PRIM2: variants seen among roughly 807,000 people sequenced by gnomAD.
PRIM2 encodes the protein DNA primase large subunit.
Under a neutral mutation model 67.3 loss-of-function variants are expected in PRIM2, and 39 were observed. The observed-to-expected ratio is 0.58, with a 90% CI of 0.45 to 0.76. PRIM2 has a LOEUF of 0.76. Ranked by LOEUF, PRIM2 falls within the 30% of genes least tolerant of loss-of-function variation. The probability of loss-of-function intolerance (pLI) is 0.00; values close to 1 mark genes in which losing one functional copy is unlikely to be tolerated. For synonymous variants in PRIM2, 143 were observed against 198.7 expected, an observed-to-expected ratio of 0.72 and a Z score of 2.36; for missense variants, 398 against 598.7, an observed-to-expected ratio of 0.66 and a Z score of 3.50.
chr6:57,271,337 T>G, the PRIM2 span, among the ~76,000 whole-genome samples: 4 of 152,360 alleles, frequency 2.6e-5, no homozygotes, highest in South Asian at 8.3e-4. Context: ...AGATTCAACT[T>G]CTTCCTGGTT....
At chr6:57,395,453 G>T (rs374396087) in intron 7 of PRIM2, among the ~76,000 whole-genome samples, 2 of 152,100 alleles carry the variant, frequency 1.3e-5, no homozygotes, top group East Asian at 3.9e-4. Context: ...GTGCATAAAG[G>T]TGTTCATAGT....
chr6:57,609,785 C>T (rs1776631581), intron 12 of PRIM2, among the ~76,000 whole-genome samples: 1 of 152,084 alleles, frequency 6.6e-6, no homozygotes, highest in South Asian at 2.1e-4. Flanking sequence ...TATTTGATGT[C>T]TTTATTGAGT....
At chr6:57,453,898 A>G (rs1299582023) in intron 7 of PRIM2, among the ~76,000 whole-genome samples, 1 of 152,078 alleles carries the variant, frequency 6.6e-6, no homozygotes, top group African/African-American at 2.4e-5. Flanking sequence ...GTTTTTGCCC[A>G]TTCAGTATGA....
intron 10 of PRIM2, among the ~76,000 whole-genome samples, chr6:57,560,702 G>A (rs1302249692): frequency 1.3e-5 from 2 of 151,652 alleles, no homozygotes; most frequent in African/African-American, 2.4e-5. Flanking sequence ...CTCCATCAAA[G>A]CACTTGGGTG....
At chr6:57,276,312 C>G in the PRIM2 span, among the ~76,000 whole-genome samples, 2 of 151,986 alleles carry the variant, frequency 1.3e-5, no homozygotes, top group East Asian at 3.9e-4. Flanking sequence ...ATTGTGTGAA[C>G]CCGGGATGCA....
At chr6:57,477,382 C>A (rs1296723750) in intron 7 of PRIM2, among the ~76,000 whole-genome samples, 35 of 152,136 alleles carry the variant, frequency 2.3e-4, no homozygotes, top group Admixed American at 3.3e-4. Context: ...CAGTTTGGGG[C>A]GTATGTATTC....
At chr6:57,548,417 A>T (rs1230323469) in intron 10 of PRIM2, among the ~76,000 whole-genome samples, 2 of 152,216 alleles carry the variant, frequency 1.3e-5, no homozygotes, top group African/African-American at 4.8e-5. Flanking sequence ...GACTGTGCCA[A>T]GCAAGGTTTT....
chr6:57,371,697 A>G (rs2127324388), intron 5 of PRIM2, among the ~76,000 whole-genome samples: 1 of 152,352 alleles, frequency 6.6e-6, no homozygotes, highest in South Asian at 2.1e-4. Context: ...TTTAGGTTGG[A>G]TGCTTACTTA....
Position 57,415,891 on chromosome 6 carries a change from G to A in PRIM2, c.693+33723G>A, listed in dbSNP as rs548436435. Among the ~76,000 whole-genome samples, 93 of 152,126 alleles carry A rather than the reference G, an allele frequency of 6.1e-4. 1 individual carries two copies. Among genetic ancestry groups the A allele is most frequent in the African/African-American group, 2.1e-3 (89 of 41,498 alleles). On this transcript the variant is annotated intron_variant, in intron 7 of 13. Transcript: ENST00000615550. ...CATCTTCAGGCTCCACTTCTAATTC[G>A]AGTTCTCTTGTGATTTCCACCACAT...
chr6:57,337,859 G>A (rs939957021), intron 5 of PRIM2, among the ~76,000 whole-genome samples: 4 of 152,074 alleles, frequency 2.6e-5, no homozygotes, highest in Non-Finnish European at 5.9e-5. Flanking sequence ...ACTAACATCA[G>A]AGCAGAACTG....
intron 5 of PRIM2, among the ~76,000 whole-genome samples, chr6:57,330,432 G>A (rs1448648944): frequency 2.8e-5 from 4 of 141,012 alleles, no homozygotes; most frequent in African/African-American, 1.1e-4. Context: ...AGGCTGGAGT[G>A]CAAGCTCCAC....
intron 7 of PRIM2, among the ~76,000 whole-genome samples, chr6:57,393,286 T>C (rs1031142303): frequency 6.6e-6 from 1 of 152,182 alleles, no homozygotes; most frequent in African/African-American, 2.4e-5. Context: ...AGTGTAGAAA[T>C]GTTCCCTGTT....
At chr6:57,318,203 G>T (rs564875878) in intron 1 of PRIM2, among the ~76,000 whole-genome samples, 104 of 152,244 alleles carry the variant, frequency 6.8e-4, no homozygotes, top group African/African-American at 2.5e-3. Context: ...ATCACCACCT[G>T]CATCTGCTCT....
chr6:57,610,370 G>T (rs1387579344), intron 12 of PRIM2, among the ~76,000 whole-genome samples: 1 of 152,144 alleles, frequency 6.6e-6, no homozygotes, highest in African/African-American at 2.4e-5. Context: ...GCCTGGCCAA[G>T]AAATAGATAT....
In PRIM2 at chr6:57,500,778, A is replaced by G. The variant is rs1440151140; in HGVS notation, c.694-6609A>G. On this transcript the variant is annotated intron_variant, in intron 7 of 13. Coordinates refer to ENST00000615550, the MANE Select transcript of PRIM2 (RefSeq NM_000947.5). The stretch of plus-strand genomic sequence containing the variant: ...AATAAAGAATGCCAGTTAATCTGTA[A>G]CAAAGGTCAGTGATTGGAAGCAGGG... 4.3e-3 allele frequency among the ~76,000 whole-genome samples: 660 copies of G among 152,360 alleles called. 5 individuals carry two copies. Among genetic ancestry groups the G allele is most frequent in the African/African-American group, 0.015 (635 of 41,588 alleles).
chr6:57,426,223 G>T (rs1221651860), intron 7 of PRIM2, among the ~76,000 whole-genome samples: 3 of 152,158 alleles, frequency 2.0e-5, no homozygotes, highest in South Asian at 2.1e-4. Flanking sequence ...ATATAACCTT[G>T]TGCTTTTTGT....
intron 5 of PRIM2, among the ~76,000 whole-genome samples, chr6:57,328,581 G>A (rs1190992496): frequency 1.3e-5 from 2 of 152,178 alleles, no homozygotes; most frequent in South Asian, 2.1e-4. Context: ...GGGACATTTG[G>A]ATGGTTTCCA....
rs1269390370 is a variant in PRIM2 at position 57,537,479 on chromosome 6, C to T, written c.874C>T (p.His292Tyr). 75 of 1,511,162 alleles carry T rather than the reference C, an allele frequency of 5.0e-5. No individual in the cohort carries two copies. Among genetic ancestry groups the T allele is most frequent in the Non-Finnish European group, 6.5e-5 (71 of 1,094,770 alleles). The allele number at this position is 1,511,162 out of a possible 1,614,324, so 93.6% of individuals were successfully genotyped here. ...KSFPPCMRQL[H>Y]KALRENHHLR... The stretch of plus-strand genomic sequence containing the variant: ...CTTCCCACCTTGCATGCGTCAGTTA[C>T]ATAAAGCCTTGCGGGAAAATCACCA... Residue 292 changes from histidine to tyrosine, a missense_variant, in exon 10 of 14, where the codon CAT (histidine) becomes TAT (tyrosine). His to Tyr is a moderately conservative substitution (Grantham distance 83). This residue lies in a region of PRIM2 where 229 missense variants were observed against 383.6 expected (regional missense o/e 0.60). Coordinates refer to ENST00000615550, the MANE Select transcript of PRIM2 (RefSeq NM_000947.5).
chr6:57,340,163 C>T (rs1013874327), intron 5 of PRIM2, among the ~76,000 whole-genome samples: 3 of 152,230 alleles, frequency 2.0e-5, no homozygotes, highest in Non-Finnish European at 2.9e-5. Flanking sequence ...GAGATACCAT[C>T]TCACACCAGT....
Sources: gnomAD v4.1 joint callset for allele counts (sites outside exome capture counted in the v4.1 genomes callset) on GRCh38, gnomAD v4.1.1 for gene constraint, gnomAD v4.1.1 regional missense constraint, MANE v1.5 for transcripts, NCBI Gene and HGNC (gene_info 2026-07-23, HGNC 2026-07-21) for gene names.